The following SDK1 variants were observed in gnomAD, a reference collection of about 807,000 sequenced individuals.
SDK1 encodes sidekick cell adhesion molecule 1, also known as protein sidekick-1.
A neutral mutation model predicts 245.5 loss-of-function variants in SDK1; 157 were observed. The ratio of observed to expected loss-of-function variants is 0.64; its 90% CI spans 0.56 to 0.73. The LOEUF (loss-of-function observed/expected upper bound fraction) is 0.73. Among genes scored for constraint, SDK1 ranks in the 30% least tolerant of loss-of-function variants. The pLI, the probability that SDK1 is intolerant of heterozygous loss-of-function variation, is 0.00. For synonymous variants in SDK1, 1,647 were observed against 1,278.5 expected (o/e 1.29, Z -6.15); for missense variants, 3,583 against 3,002.3 (o/e 1.19, Z -4.52).
At chr7:3,545,783 G>A (rs1048419888) in intron 1 of SDK1, among the ~76,000 whole-genome samples, 14 of 152,164 alleles carry the variant, frequency 9.2e-5, no homozygotes, top group African/African-American at 3.4e-4. Flanking sequence ...GTTAATTTTG[G>A]TGCTGTCAAG....
chr7:3,956,650 AG>A (rs1177172220), intron 7 of SDK1, among the ~76,000 whole-genome samples: 1 of 152,232 alleles, frequency 6.6e-6, no homozygotes, highest in African/African-American at 2.4e-5. Context: ...AGGCGGTGGC[AG>A]GCTGCCCCCC....
intron 4 of SDK1, among the ~76,000 whole-genome samples, chr7:3,645,840 A>G (rs961117198): frequency 6.6e-6 from 1 of 151,984 alleles, no homozygotes; most frequent in African/African-American, 2.4e-5. Flanking sequence ...ATGCAGGTGA[A>G]GTTTCTGCAC....
chr7:3,999,622 TG>T (rs1448139501), intron 14 of SDK1, among the ~76,000 whole-genome samples: 2 of 152,130 alleles, frequency 1.3e-5, no homozygotes, highest in Non-Finnish European at 2.9e-5. Context: ...GGCAGCAAAA[TG>T]GGAGTTCAGG....
chr7:3,817,851 C>A (rs1779547998), intron 4 of SDK1, among the ~76,000 whole-genome samples: 1 of 152,144 alleles, frequency 6.6e-6, no homozygotes, highest in Non-Finnish European at 1.5e-5. Flanking sequence ...TGAAGAATGG[C>A]CAGAAGCACT....
chr7:3,585,278 G>A (rs1008878201), intron 1 of SDK1, among the ~76,000 whole-genome samples: 4 of 152,174 alleles, frequency 2.6e-5, no homozygotes, highest in African/African-American at 9.7e-5. Flanking sequence ...AGAGTGGCTG[G>A]TTTTGTAATA....
At chr7:3,650,691 A>G (rs867470270) in intron 4 of SDK1, among the ~76,000 whole-genome samples, 2 of 152,206 alleles carry the variant, frequency 1.3e-5, no homozygotes, top group Admixed American at 6.5e-5. Flanking sequence ...TTTTATGGCC[A>G]TAACTACTTT....
At position 4,243,005 on chromosome 7, in the gene SDK1, G is replaced by A. The variant is rs189825054; in HGVS notation, c.6251+1092G>A. 1.2e-4 allele frequency among the ~76,000 whole-genome samples: 18 copies of A among 152,340 alleles called. 1 individual carries two copies. In the East Asian group the frequency reaches 3.5e-3, roughly 29 times the overall value. On this transcript the variant is annotated intron_variant, in intron 43 of 44. Transcript: ENST00000404826. Reference sequence around the variant, plus strand: ...CAAGGGCTGGAGGTGGATGCTGGTGGTGACATCTGGTCACACCTTTCATTT... The same window carrying A: ...CAAGGGCTGGAGGTGGATGCTGGTGATGACATCTGGTCACACCTTTCATTT...
intron 35 of SDK1, among the ~76,000 whole-genome samples, chr7:4,190,536 G>A (rs1783136050): frequency 6.6e-6 from 1 of 152,208 alleles, no homozygotes; most frequent in African/African-American, 2.4e-5. Context: ...GTTCCCTTCA[G>A]GCACAAATGC....
chr7:3,924,998 A>G (rs1052579315), intron 5 of SDK1, among the ~76,000 whole-genome samples: 2 of 152,140 alleles, frequency 1.3e-5, no homozygotes, highest in Non-Finnish European at 2.9e-5. Context: ...GGGACCTGCA[A>G]GGTCCAGACT....
chr7:3,881,484 T>G (rs112215705), intron 5 of SDK1, among the ~76,000 whole-genome samples: 2,288 of 152,350 alleles, frequency 0.015, 64 homozygotes, highest in African/African-American at 0.052. Flanking sequence ...GTAACACATT[T>G]TCTTCATCCA....
chr7:4,054,466 C>T (rs1779080739), intron 19 of SDK1, among the ~76,000 whole-genome samples: 1 of 152,012 alleles, frequency 6.6e-6, no homozygotes, highest in Admixed American at 6.6e-5. Flanking sequence ...TGTGTTTAGT[C>T]CTGTACAGTT....
chr7:3,528,889 T>G (rs1783244833), intron 1 of SDK1, among the ~76,000 whole-genome samples: 2 of 152,136 alleles, frequency 1.3e-5, no homozygotes, highest in South Asian at 4.1e-4. Flanking sequence ...CTTCCTGATC[T>G]CCTTCTCTCC....
At chr7:3,757,301 A>C (rs993489126) in intron 4 of SDK1, among the ~76,000 whole-genome samples, 1 of 152,096 alleles carries the variant, frequency 6.6e-6, no homozygotes, top group Non-Finnish European at 1.5e-5. Context: ...TTTTGAGACA[A>C]GGTCTCTCTC....
chr7:4,121,577 C>G (rs1784068536), intron 25 of SDK1, among the ~76,000 whole-genome samples: 1 of 152,232 alleles, frequency 6.6e-6, no homozygotes, highest in African/African-American at 2.4e-5. Context: ...AATTAAACCT[C>G]TTTCCTTTAT....
At chr7:3,794,597 C>T (rs1001961627) in intron 4 of SDK1, among the ~76,000 whole-genome samples, 3 of 152,230 alleles carry the variant, frequency 2.0e-5, no homozygotes, top group Admixed American at 6.5e-5. Context: ...GACCTAAGTT[C>T]GCACCCTCAA....
intron 2 of SDK1, among the ~76,000 whole-genome samples, chr7:3,634,325 A>G (rs1471038070): frequency 6.6e-6 from 1 of 152,172 alleles, no homozygotes; most frequent in Admixed American, 6.5e-5. Context: ...AAGAAATTCT[A>G]GGGTTGGTCC....
At chr7:4,057,159 A>G (rs770573059) in intron 19 of SDK1, among the ~76,000 whole-genome samples, 2 of 151,880 alleles carry the variant, frequency 1.3e-5, no homozygotes, top group Non-Finnish European at 2.9e-5. Flanking sequence ...AGCCCTACCA[A>G]GTGTTCTGCC....
intron 4 of SDK1, chr7:3,643,014 G>A (rs1782698808): frequency 2.0e-5 from 3 of 152,262 alleles, no homozygotes; most frequent in African/African-American, 7.2e-5. Context: ...AACTGTGAAA[G>A]TCACTGTGGG....
chr7:4,029,619 C>T (rs1172528545), intron 17 of SDK1, among the ~76,000 whole-genome samples: 1 of 152,148 alleles, frequency 6.6e-6, no homozygotes, highest in Non-Finnish European at 1.5e-5. Context: ...TGGACTCCCA[C>T]TCACATCACC....
Sources: allele counts gnomAD v4.1 joint callset (sites outside exome capture counted in the v4.1 genomes callset), GRCh38; gene constraint gnomAD v4.1.1; transcripts MANE v1.5; gene names NCBI Gene and HGNC (gene_info 2026-07-23, HGNC 2026-07-21).